CNBD1: variants seen among roughly 807,000 people sequenced by gnomAD.
The protein encoded by CNBD1 is cyclic nucleotide-binding domain-containing protein 1.
In CNBD1, 71 loss-of-function variants were observed where a neutral mutation model predicts 54.4. The ratio of observed to expected loss-of-function variants is 1.30; its 90% confidence interval spans 1.08 to 1.59. The LOEUF is 1.59. CNBD1 is among the 40% of genes most tolerant of loss of function. The probability of loss-of-function intolerance (pLI) is 0.00; values close to 1 mark genes in which losing one functional copy is unlikely to be tolerated. For missense variants in CNBD1, 659 were observed against 518.0 expected, an observed-to-expected ratio of 1.27 and a Z score of -2.64; for synonymous variants, 182 against 170.7, an observed-to-expected ratio of 1.07 and a Z score of -0.51.
chr8:87,170,987 T>C (rs1490414386), intron 4 of CNBD1, among the ~76,000 whole-genome samples: 1 of 152,168 alleles, frequency 6.6e-6, no homozygotes, highest in Admixed American at 6.6e-5. Flanking sequence ...GTGTATGTGA[T>C]GTGTCTTTGT....
At chr8:87,303,786 A>C (rs1177221470) in intron 8 of CNBD1, among the ~76,000 whole-genome samples, 1 of 125,956 alleles carries the variant, frequency 7.9e-6, no homozygotes, top group Non-Finnish European at 1.8e-5. Flanking sequence ...AAACAAATTT[A>C]CAAGAAAAAA....
chr8:86,892,363 G>A (rs1172077415), intron 2 of CNBD1, among the ~76,000 whole-genome samples: 1 of 152,012 alleles, frequency 6.6e-6, no homozygotes, highest in Non-Finnish European at 1.5e-5. Flanking sequence ...TAAATTAATT[G>A]TCAAGCATTC....
At chr8:87,108,821 G>A (rs968461899) in intron 4 of CNBD1, among the ~76,000 whole-genome samples, 19 of 151,976 alleles carry the variant, frequency 1.3e-4, no homozygotes, top group Admixed American at 2.0e-4. Flanking sequence ...AACTCACCTC[G>A]GTTTATAATG....
At chr8:87,310,269 C>G (rs537191699) in intron 8 of CNBD1, among the ~76,000 whole-genome samples, 1 of 152,182 alleles carries the variant, frequency 6.6e-6, no homozygotes, top group South Asian at 2.1e-4. Context: ...GTGGGAAGAT[C>G]ACTTGACCCC....
In CNBD1 at chr8:87,083,491, CAACT is replaced by C. The variant is rs148534314; in HGVS notation, c.432-122501_432-122498del. ...TCCCAGGTCTTCAGACAAACTCAAC[CAACT>C]GTCAACCAAAAATTCTTTCAATTTA... On this transcript the variant is annotated intron_variant, in intron 4 of 10. Transcript: ENST00000518476. Among the ~76,000 whole-genome samples, 1,147 of 152,160 alleles carry C rather than the reference CAACT, an allele frequency of 7.5e-3. 17 individuals are homozygous for C. Among genetic ancestry groups the C allele is most frequent in the African/African-American group, 0.025 (1,029 of 41,490 alleles).
intron 4 of CNBD1, among the ~76,000 whole-genome samples, chr8:87,086,778 T>C (rs1357251408): frequency 6.6e-6 from 1 of 152,188 alleles, no homozygotes; most frequent in East Asian, 1.9e-4. Flanking sequence ...ATTATAATGC[T>C]ATATTTCTTA....
intron 6 of CNBD1, among the ~76,000 whole-genome samples, chr8:87,255,197 CGACAGA>C (rs1279487211): frequency 2.0e-5 from 3 of 151,930 alleles, no homozygotes; most frequent in Non-Finnish European, 4.4e-5. Flanking sequence ...AAAAAAAAGT[CGACAGA>C]GACAACTTGT....
At chr8:86,868,379 G>C (rs1387603293) in intron 1 of CNBD1, among the ~76,000 whole-genome samples, 1 of 152,082 alleles carries the variant, frequency 6.6e-6, no homozygotes, top group Non-Finnish European at 1.5e-5. Flanking sequence ...GTCTTGCTCT[G>C]TTGCCCAGGC....
intron 4 of CNBD1, among the ~76,000 whole-genome samples, chr8:86,946,643 C>T (rs1480720806): frequency 6.6e-6 from 1 of 152,018 alleles, no homozygotes; most frequent in African/African-American, 2.4e-5. Flanking sequence ...ACGTACTTGT[C>T]ATGCAGTGAG....
rs993869802 is a variant in CNBD1, at chr8:87,414,024, A to T, written c.214-14522A>T. The stretch of plus-strand genomic sequence containing the variant: ...TGACCCAGCCATCCCATTACTGGGT[A>T]TATACCCAAAGGATTATAAATCATG... On this transcript the variant is annotated intron_variant, in intron 2 of 7. Coordinates refer to the CNBD1 transcript ENST00000521593. Among the ~76,000 whole-genome samples the T allele has an allele frequency of 4.9e-4, 75 of 152,140 alleles. 1 individual carries two copies. The highest frequency in any genetic ancestry group is 1.3e-4 in the Non-Finnish European group (9 of 68,036).
intron 2 of CNBD1, among the ~76,000 whole-genome samples, chr8:87,397,486 A>G (rs1811430128): frequency 6.6e-6 from 1 of 151,958 alleles, no homozygotes; most frequent in Admixed American, 6.6e-5. Context: ...ACTTTGCCAC[A>G]AAACTAAATT....
intron 4 of CNBD1, among the ~76,000 whole-genome samples, chr8:86,940,192 A>T (rs1428647908): frequency 8.4e-6 from 1 of 118,714 alleles, no homozygotes; most frequent in Non-Finnish European, 1.6e-5. Context: ...GTGCAATGGC[A>T]CAGTTTCGGC....
At chr8:87,347,035 C>T (rs1810189300) in intron 8 of CNBD1, among the ~76,000 whole-genome samples, 1 of 152,172 alleles carries the variant, frequency 6.6e-6, no homozygotes, top group Non-Finnish European at 1.5e-5. Flanking sequence ...ACTTCACCCA[C>T]TGAGAGTATT....
intron 8 of CNBD1, among the ~76,000 whole-genome samples, chr8:87,327,719 A>G (rs1376454929): frequency 2.0e-5 from 3 of 151,932 alleles, no homozygotes; most frequent in Non-Finnish European, 4.4e-5. Flanking sequence ...TCCTAGTGAG[A>G]TGAACCCGGT....
intron 4 of CNBD1, among the ~76,000 whole-genome samples, chr8:87,102,319 G>A (rs1811445225): frequency 6.6e-6 from 1 of 152,154 alleles, no homozygotes; most frequent in African/African-American, 2.4e-5. Flanking sequence ...ACATGAGAAG[G>A]AAGGCAGTTT....
intron 10 of CNBD1, among the ~76,000 whole-genome samples, chr8:87,354,829 C>T (rs1810390852): frequency 6.6e-6 from 1 of 152,034 alleles, no homozygotes; most frequent in Non-Finnish European, 1.5e-5. Flanking sequence ...GGGTTGGTTC[C>T]AAGTCTTTGC....
chr8:87,333,378 C>A (rs970073552), intron 8 of CNBD1, among the ~76,000 whole-genome samples: 2 of 152,108 alleles, frequency 1.3e-5, no homozygotes, highest in Non-Finnish European at 2.9e-5. Context: ...CTTTCTCTTG[C>A]CTGATTACCC....
intron 8 of CNBD1, among the ~76,000 whole-genome samples, chr8:87,310,216 G>T (rs913444961): frequency 7.9e-5 from 12 of 151,992 alleles, no homozygotes; most frequent in Non-Finnish European, 1.5e-4. Flanking sequence ...AATTAGCTTG[G>T]TGTGGTGGCA....
intron 4 of CNBD1, among the ~76,000 whole-genome samples, chr8:87,179,236 A>T (rs1005611199): frequency 2.0e-5 from 3 of 152,224 alleles, no homozygotes; most frequent in Non-Finnish European, 4.4e-5. Flanking sequence ...AATATGCAGG[A>T]AACTTCGAAG....
Sources: allele counts gnomAD v4.1 joint callset (sites outside exome capture counted in the v4.1 genomes callset), GRCh38; gene constraint gnomAD v4.1.1; transcripts MANE v1.5; gene names NCBI Gene and HGNC (gene_info 2026-07-23, HGNC 2026-07-21).